Variants in FOCAD observed in about 807,000 individuals in gnomAD.
FOCAD encodes the protein focadhesin.
In FOCAD, 198 loss-of-function variants were observed where a neutral mutation model predicts 225.6. That is an observed-to-expected ratio of 0.88 (90% CI 0.78 to 0.99). The LOEUF (loss-of-function observed/expected upper bound fraction) is 0.99. Ranked by LOEUF, FOCAD falls within the 50% of genes least tolerant of loss-of-function variation. FOCAD has a pLI of 0.00. For synonymous variants in FOCAD, 897 were observed against 755.0 expected, an observed-to-expected ratio of 1.19 and a Z score of -3.08; for missense variants, 2,713 against 2,123.6, an observed-to-expected ratio of 1.28 and a Z score of -5.46.
chr9:20,965,526 C>CT (rs1160113768), intron 35 of FOCAD, among the ~76,000 whole-genome samples: 3 of 151,976 alleles, frequency 2.0e-5, no homozygotes, highest in African/African-American at 2.4e-5. Flanking sequence ...GCTTCTTATG[C>CT]TTTTTTTGGT....
intron 6 of FOCAD, among the ~76,000 whole-genome samples, chr9:20,760,106 T>G (rs2130911946): frequency 6.6e-6 from 1 of 152,306 alleles, no homozygotes; most frequent in Non-Finnish European, 1.5e-5. Context: ...TCCAGTCTTG[T>G]CCTGGTCAAA....
intron 26 of FOCAD, among the ~76,000 whole-genome samples, chr9:20,927,499 C>G (rs1037366916): frequency 1.3e-5 from 2 of 151,860 alleles, no homozygotes; most frequent in African/African-American, 2.4e-5. Context: ...GTTAAATACT[C>G]TATAAATACA....
chr9:20,874,730 T>TTG lies in FOCAD; in HGVS notation c.2241_2242dup (p.Glu748ValfsTer36). ...GAAGAGTTAGATGACGATGAAGATG[T>TTG]TGAGGATGTGGATCTTTCAGTTCCT... On this transcript the variant is annotated frameshift_variant, in exon 19 of 44. Transcript: ENST00000338382. LOFTEE classifies it high-confidence loss of function. 5.0e-6 allele frequency: 8 copies of TTG among 1,613,644 alleles called. No individual in the cohort carries two copies. The highest frequency in any genetic ancestry group is 5.9e-6 in the Non-Finnish European group (7 of 1,179,682).
At chr9:20,742,879 G>T (rs1827746021) in intron 5 of FOCAD, among the ~76,000 whole-genome samples, 1 of 152,134 alleles carries the variant, frequency 6.6e-6, no homozygotes, top group African/African-American at 2.4e-5. Flanking sequence ...TTAGATACGT[G>T]GCACATTAAG....
intron 1 of FOCAD, among the ~76,000 whole-genome samples, chr9:20,691,263 C>G (rs1822959073): frequency 6.6e-6 from 1 of 151,998 alleles, no homozygotes; most frequent in Non-Finnish European, 1.5e-5. Flanking sequence ...TCTTAAAGCA[C>G]TTTCTTCCCT....
chr9:20,721,650 C>T (rs937242630), intron 4 of FOCAD, among the ~76,000 whole-genome samples: 5 of 151,972 alleles, frequency 3.3e-5, no homozygotes, highest in South Asian at 4.2e-4. Flanking sequence ...TGCAGTGAAC[C>T]GAGATTACAC....
rs767166880 is a variant in FOCAD at position 20,988,409 on chromosome 9, C to T, written c.4984C>T (p.His1662Tyr). Residue 1662 changes from histidine to tyrosine, a missense_variant, in exon 41 of 44, where the codon CAC (histidine) becomes TAC (tyrosine). Coordinates refer to ENST00000338382, the MANE Select transcript of FOCAD (RefSeq NM_001375567.1). ...RNVAYQSTSF[H>Y]NTALDKALDF... ...TGTTGCTTACCAGTCAACATCCTTT[C>T]ACAATACGGCTCTTGACAAGGTAAA... 30 of 1,603,828 alleles carry T rather than the reference C, an allele frequency of 1.9e-5. No homozygotes were observed. The highest frequency in any genetic ancestry group is 1.0e-4 in the Admixed American group (6 of 59,466).
At chr9:20,801,263 G>A (rs1335492366) in intron 11 of FOCAD, among the ~76,000 whole-genome samples, 3 of 152,154 alleles carry the variant, frequency 2.0e-5, no homozygotes, top group Admixed American at 6.5e-5. Context: ...GGGATAAAGA[G>A]GGGGTTTTAT....
chr9:20,897,411 T>C (rs1246464524), intron 21 of FOCAD, among the ~76,000 whole-genome samples: 1 of 151,716 alleles, frequency 6.6e-6, no homozygotes, highest in Non-Finnish European at 1.5e-5. Flanking sequence ...TATTTGTTAC[T>C]GTTTTTTTTT....
At chr9:20,781,062 A>G (rs1176484279) in intron 9 of FOCAD, among the ~76,000 whole-genome samples, 1 of 152,210 alleles carries the variant, frequency 6.6e-6, no homozygotes, top group African/African-American at 2.4e-5. Context: ...TAATTACATC[A>G]CTTTGAAAAA....
At chr9:20,937,891 CAG>C (rs1282899009) in intron 28 of FOCAD, among the ~76,000 whole-genome samples, 1 of 152,128 alleles carries the variant, frequency 6.6e-6, no homozygotes, top group Non-Finnish European at 1.5e-5. Flanking sequence ...AAGAAAAAAA[CAG>C]ACAACCCCAT....
intron 1 of FOCAD, among the ~76,000 whole-genome samples, chr9:20,703,731 T>C (rs546948738): frequency 6.6e-6 from 1 of 152,328 alleles, no homozygotes; most frequent in Non-Finnish European, 1.5e-5. Flanking sequence ...ATCATTCACC[T>C]TCCTTGACTG....
chr9:20,879,017 A>G (rs1048077776), intron 19 of FOCAD, among the ~76,000 whole-genome samples: 1 of 152,096 alleles, frequency 6.6e-6, no homozygotes, highest in Admixed American at 6.6e-5. Context: ...GCCCATCAAC[A>G]TTGAGGGCAG....
chr9:20,802,349 C>G (rs1445347439), intron 11 of FOCAD, among the ~76,000 whole-genome samples: 1 of 151,818 alleles, frequency 6.6e-6, no homozygotes, highest in Non-Finnish European at 1.5e-5. Context: ...AGCAGTAAAG[C>G]TAAATAAGAG....
chr9:20,947,642 A>G (rs193204409), intron 30 of FOCAD, among the ~76,000 whole-genome samples: 22 of 152,228 alleles, frequency 1.4e-4, no homozygotes, highest in Admixed American at 1.0e-3. Flanking sequence ...AAGATGATAA[A>G]TTTTAAGTGT....
Position 20,867,136 on chromosome 9 carries a change from A to G in FOCAD, c.2190+124A>G, listed in dbSNP as rs1314723356. On this transcript the variant is annotated intron_variant, in intron 18 of 43. Coordinates refer to ENST00000338382, the MANE Select transcript of FOCAD (RefSeq NM_001375567.1). ...ATAACCCTAGATCTGTTGTCCATGC[A>G]AGATACAAATTCATACCCATTATTT... The G allele has an allele frequency of 6.8e-6, 4 of 587,170 alleles. No individual in the cohort carries two copies. In the East Asian group the frequency reaches 8.8e-5, roughly 13 times the overall value. 36.4% of individuals were successfully genotyped at this position (587,170 alleles called of 1,614,324 possible). A position where few individuals can be genotyped will look rare whatever the true frequency, so the allele number is the denominator to read the frequency against.
intron 7 of FOCAD, among the ~76,000 whole-genome samples, chr9:20,768,818 G>A (rs943502098): frequency 7.2e-5 from 11 of 151,778 alleles, no homozygotes; most frequent in Non-Finnish European, 1.3e-4. Flanking sequence ...TGCGACTCTT[G>A]TCACCTCACA....
rs377691526 is a variant in FOCAD at position 20,761,113 on chromosome 9, C to T, written c.494+2922C>T. ...CATGAACTCCTGGGCTCAAGTGATC[C>T]TCCTGTCTCAGCCTTCTGAGTAGCT... is the stretch of plus-strand genomic sequence containing the variant. On this transcript the variant is annotated intron_variant, in intron 6 of 43. Transcript: ENST00000338382. 7.4e-4 allele frequency among the ~76,000 whole-genome samples: 113 copies of T among 152,088 alleles called. 1 individual carries two copies. Among genetic ancestry groups the T allele is most frequent in the African/African-American group, 2.6e-3 (107 of 41,460 alleles).
chr9:20,724,895 G>A (rs1475122534), intron 4 of FOCAD, among the ~76,000 whole-genome samples: 11 of 152,278 alleles, frequency 7.2e-5, no homozygotes, highest in South Asian at 2.1e-4. Flanking sequence ...TGGGCCAGGC[G>A]TGGTGGCTCA....
Sources: allele counts gnomAD v4.1 joint callset (sites outside exome capture counted in the v4.1 genomes callset), GRCh38; gene constraint gnomAD v4.1.1; transcripts MANE v1.5; gene names NCBI Gene and HGNC (gene_info 2026-07-23, HGNC 2026-07-21).